The following TSPEAR variants were observed in gnomAD, a reference collection of about 807,000 sequenced individuals.
The protein encoded by TSPEAR is thrombospondin type laminin G domain and EAR repeats.
TSPEAR carries 69 observed loss-of-function variants against 71.6 expected under a neutral mutation model. That is an observed-to-expected ratio of 0.96 (90% CI 0.79 to 1.18). The LOEUF is 1.18. Ranked by LOEUF, TSPEAR falls within the 50% of genes most tolerant of loss-of-function variation. The pLI is 0.00. For synonymous variants in TSPEAR, 402 were observed against 387.2 expected, an observed-to-expected ratio of 1.04 and a Z score of -0.45; for missense variants, 971 against 894.9, an observed-to-expected ratio of 1.09 and a Z score of -1.09.
chr21:44,594,192 T>C (rs587750123), intron 1 of TSPEAR, among the ~76,000 whole-genome samples: 1 of 151,552 alleles, frequency 6.6e-6, no homozygotes, highest in African/African-American at 2.4e-5. Flanking sequence ...CTGGGAAGAG[T>C]GATAAGACTC....
chr21:44,513,508 T>C (rs1261745042), intron 9 of TSPEAR, among the ~76,000 whole-genome samples: 1 of 152,126 alleles, frequency 6.6e-6, no homozygotes, highest in African/African-American at 2.4e-5. Flanking sequence ...GGGCAGGCCC[T>C]TCCCGCCCTC....
intron 1 of TSPEAR, among the ~76,000 whole-genome samples, chr21:44,694,355 G>T (rs150464784): frequency 6.6e-6 from 1 of 152,296 alleles, no homozygotes; most frequent in East Asian, 1.9e-4. Context: ...GAAGTATCTA[G>T]AACAGGCAAC....
chr21:44,684,754 G>A (rs1555948685), intron 1 of TSPEAR, among the ~76,000 whole-genome samples: 1 of 152,236 alleles, frequency 6.6e-6, no homozygotes, highest in East Asian at 1.9e-4. Flanking sequence ...GGTGGGCCCT[G>A]ACCTACAGGA....
chr21:44,527,541 T>A, intron 6 of TSPEAR, 23 bp from the exon 7 acceptor site: 1 of 1,609,354 alleles, frequency 6.2e-7, no homozygotes, highest in Non-Finnish European at 8.5e-7. Flanking sequence ...ACGTTGTGAC[T>A]CGGTTAAGAT....
intron 1 of TSPEAR, among the ~76,000 whole-genome samples, chr21:44,572,834 GAC>G (rs71199612): frequency 0.13 from 16,370 of 124,560 alleles, 1,110 homozygotes; most frequent in Non-Finnish European, 0.15. Flanking sequence ...GGGAGATTTG[GAC>G]ACACACACAC....
At chr21:44,577,361 C>T (rs1273849221) in intron 1 of TSPEAR, among the ~76,000 whole-genome samples, 16 of 152,320 alleles carry the variant, frequency 1.1e-4, no homozygotes, top group Admixed American at 7.8e-4. Context: ...GAAAGGCCCA[C>T]GGTTATCTGG....
intron 10 of TSPEAR, 108 bp downstream of exon 10, chr21:44,509,091 G>A: frequency 1.4e-6 from 2 of 1,398,982 alleles, no homozygotes; most frequent in South Asian, 2.7e-5. Flanking sequence ...AGGTCCCCAG[G>A]CCAGTCTTTC....
chr21:44,659,729 T>C (rs1985386805), intron 1 of TSPEAR, among the ~76,000 whole-genome samples: 1 of 152,148 alleles, frequency 6.6e-6, no homozygotes, highest in African/African-American at 2.4e-5. Flanking sequence ...GAGGCTGCAG[T>C]GAGCTGAGAT....
chr21:44,668,383 A>G (rs1341489778), intron 1 of TSPEAR, among the ~76,000 whole-genome samples: 1 of 152,252 alleles, frequency 6.6e-6, no homozygotes, highest in Non-Finnish European at 1.5e-5. Context: ...AAACGTTGAA[A>G]GAAATTAAAG....
intron 1 of TSPEAR, among the ~76,000 whole-genome samples, chr21:44,651,594 T>TTC (rs1984796836): frequency 6.6e-6 from 1 of 152,142 alleles, no homozygotes; most frequent in African/African-American, 2.4e-5. Flanking sequence ...TGCCATGACC[T>TTC]TCTCCTCTGG....
At chr21:44,669,569 T>G (rs2146279602) in intron 1 of TSPEAR, among the ~76,000 whole-genome samples, 1 of 152,326 alleles carries the variant, frequency 6.6e-6, no homozygotes, top group South Asian at 2.1e-4. Context: ...AGGCTAGCTG[T>G]GTGCCTGCAG....
At chr21:44,679,494 T>G (rs60154040) in intron 1 of TSPEAR, among the ~76,000 whole-genome samples, 3 of 152,034 alleles carry the variant, frequency 2.0e-5, no homozygotes, top group Admixed American at 6.6e-5. Context: ...ACAGACTCAA[T>G]GCAATCTCTA....
rs916527533 is a variant in TSPEAR, at chr21:44,711,401, C to A, written c.82+32G>T. 26 of 1,556,998 alleles carry A rather than the reference C, an allele frequency of 1.7e-5. No individual in the cohort carries two copies. Among genetic ancestry groups the A allele is most frequent in the Non-Finnish European group, 2.1e-5 (24 of 1,148,024 alleles). ...CCCCTCCCAGCTCCCCGGCAAGATA[C>A]CCCCGCCCGAGTTCCCATGCCCCTG... On this transcript the variant is annotated intron_variant, in intron 1 of 11. Coordinates refer to ENST00000323084, the MANE Select transcript of TSPEAR (RefSeq NM_144991.3). This position sits in a 1 kb window ranked among gnomAD's most constrained non-coding sequence, Gnocchi z 4.5.
At chr21:44,688,809 C>T (rs1986979130) in intron 1 of TSPEAR, among the ~76,000 whole-genome samples, 1 of 152,132 alleles carries the variant, frequency 6.6e-6, no homozygotes, top group Non-Finnish European at 1.5e-5. Context: ...AGCTCTGCTT[C>T]CCAGCAAGCC....
intron 3 of TSPEAR, among the ~76,000 whole-genome samples, chr21:44,532,018 C>T (rs1245087334): frequency 1.3e-5 from 2 of 152,274 alleles, no homozygotes; most frequent in African/African-American, 4.8e-5. Flanking sequence ...GAGCTCAGCT[C>T]CTGCCCTGCT....
chr21:44,644,281 A>T (rs1984182948), intron 1 of TSPEAR, among the ~76,000 whole-genome samples: 1 of 152,162 alleles, frequency 6.6e-6, no homozygotes, highest in Non-Finnish European at 1.5e-5. Context: ...ACGTAAAAAG[A>T]CTGTACGTGC....
chr21:44,536,152 G>A (rs587774022), intron 2 of TSPEAR, among the ~76,000 whole-genome samples: 1 of 152,300 alleles, frequency 6.6e-6, no homozygotes, highest in South Asian at 2.1e-4. Context: ...TGGAGAGGAG[G>A]GGCCTGCCCA....
chr21:44,517,346 A>AGACT (rs2052607013), intron 9 of TSPEAR: 1 of 162,928 alleles, frequency 6.1e-6, no homozygotes, highest in African/African-American at 2.4e-5. Flanking sequence ...CACAGGTCTC[A>AGACT]GACTGACAGG....
intron 1 of TSPEAR, among the ~76,000 whole-genome samples, chr21:44,570,529 C>T (rs587761321): frequency 1.3e-5 from 2 of 152,272 alleles, no homozygotes; most frequent in Admixed American, 6.5e-5. Context: ...GAGATAAGCT[C>T]GTTCACAGCC....
Sources: allele counts gnomAD v4.1 joint callset (sites outside exome capture counted in the v4.1 genomes callset), GRCh38; gene constraint gnomAD v4.1.1; non-coding constraint Gnocchi (gnomAD v3.1); transcripts MANE v1.5; gene names NCBI Gene and HGNC (gene_info 2026-07-23, HGNC 2026-07-21).